Variants in STS observed in about 807,000 individuals in gnomAD.
STS encodes steryl-sulfatase.
STS carries 7 observed loss-of-function variants against 26.8 expected under a neutral mutation model. That is an observed-to-expected ratio of 0.26 (90% CI 0.15 to 0.49). The LOEUF is 0.49. Among genes scored for constraint, STS ranks in the 20% least tolerant of loss-of-function variants. STS has a pLI of 0.98. For synonymous variants in STS, 199 were observed against 189.4 expected (o/e 1.05, Z -0.42); for missense variants, 434 against 465.6 (o/e 0.93, Z 0.63).
intron 2 of STS, among the ~76,000 whole-genome samples, chrX:7,208,086 C>T: frequency 8.9e-6 from 1 of 112,380 alleles, no homozygotes; most frequent in East Asian, 2.8e-4. Context: ...ACATTTGCTT[C>T]ACATACGGTG....
chrX:7,286,758 T>C (rs953866759), intron 7 of STS, among the ~76,000 whole-genome samples: 2 of 111,908 alleles, frequency 1.8e-5, no homozygotes, highest in Admixed American at 9.5e-5. Context: ...CATGCTTGAC[T>C]GTAAAGATAT....
intron 2 of STS, among the ~76,000 whole-genome samples, chrX:7,205,451 G>C (rs1292127909): frequency 3.6e-5 from 4 of 111,544 alleles, no homozygotes; most frequent in Non-Finnish European, 5.7e-5. Flanking sequence ...CAGCTTGCTT[G>C]GGAGCAGAGA....
At chrX:7,207,152 T>A (rs192015379) in intron 2 of STS, among the ~76,000 whole-genome samples, 1 of 111,942 alleles carries the variant, frequency 8.9e-6, no homozygotes, top group Non-Finnish European at 1.9e-5. Flanking sequence ...ATTGTACCAC[T>A]GCACTTCAGC....
At chrX:7,218,812 T>C (rs986722301) in intron 2 of STS, among the ~76,000 whole-genome samples, 2 of 112,236 alleles carry the variant, frequency 1.8e-5, no homozygotes, top group Non-Finnish European at 3.8e-5. Context: ...TAGCAACCTC[T>C]TTTTTTGTTT....
chrX:7,298,241 C>A (rs977003444), intron 7 of STS, among the ~76,000 whole-genome samples: 19 of 111,749 alleles, frequency 1.7e-4, no homozygotes, highest in Admixed American at 9.6e-5. Flanking sequence ...TGCAGATTAT[C>A]AACTTTATGC....
chrX:7,275,450 A>G (rs1275668451), intron 6 of STS, among the ~76,000 whole-genome samples: 1 of 111,681 alleles, frequency 9.0e-6, no homozygotes, highest in Admixed American at 9.5e-5. Flanking sequence ...ACCTATATAT[A>G]CAAAATTTGT....
intron 10 of STS, among the ~76,000 whole-genome samples, chrX:7,344,752 G>A (rs916728886): frequency 4.5e-5 from 5 of 111,757 alleles, no homozygotes; most frequent in African/African-American, 6.5e-5. Flanking sequence ...TGCTTTAGCC[G>A]CTGTGGGTTA....
chrX:7,317,687 C>G (rs1233464917), intron 8 of STS, among the ~76,000 whole-genome samples: 1 of 111,065 alleles, frequency 9.0e-6, no homozygotes, highest in Non-Finnish European at 1.9e-5. Context: ...CCAGCCTGGT[C>G]TCAAACCCCG....
intron 8 of STS, among the ~76,000 whole-genome samples, chrX:7,317,453 T>C (rs1291903108): frequency 9.1e-6 from 1 of 109,558 alleles, no homozygotes. Flanking sequence ...GCATATCTTT[T>C]GGTTTGTTTG....
At chrX:7,333,220 A>AT (rs1176998491) in intron 9 of STS, among the ~76,000 whole-genome samples, 1 of 112,418 alleles carries the variant, frequency 8.9e-6, no homozygotes, top group Non-Finnish European at 1.9e-5. Context: ...CAATGGCCTA[A>AT]TGGTATCATG....
intron 1 of STS, among the ~76,000 whole-genome samples, chrX:7,179,078 C>G (rs1933631018): frequency 9.2e-6 from 1 of 108,609 alleles, no homozygotes; most frequent in Non-Finnish European, 1.9e-5. Flanking sequence ...CTGGCTTTCT[C>G]TAGTCCTTCT....
intron 1 of STS, among the ~76,000 whole-genome samples, chrX:7,157,337 C>T (rs1230751991): frequency 9.0e-6 from 1 of 111,270 alleles, no homozygotes; most frequent in African/African-American, 3.3e-5. Context: ...TGTGGGACTC[C>T]AGGATTTCCC....
intron 9 of STS, among the ~76,000 whole-genome samples, chrX:7,330,160 G>C (rs1367068934): frequency 9.0e-6 from 1 of 111,629 alleles, no homozygotes; most frequent in Non-Finnish European, 1.9e-5. Context: ...GAAATAAATG[G>C]AGGACAACCT....
At chrX:7,158,439 G>T (rs940028356) in intron 1 of STS, among the ~76,000 whole-genome samples, 1 of 112,268 alleles carries the variant, frequency 8.9e-6, no homozygotes, top group Non-Finnish European at 1.9e-5. Context: ...CATCTCAGGA[G>T]TTGCAAATGG....
chrX:7,258,565 G>C (rs1269187431), intron 5 of STS, among the ~76,000 whole-genome samples: 11 of 111,494 alleles, frequency 9.9e-5, no homozygotes, highest in African/African-American at 3.6e-4. Context: ...CTTCCTTTTT[G>C]CATGAAGAGC....
chrX:7,206,020 C>G (rs1311724401), intron 2 of STS, among the ~76,000 whole-genome samples: 1 of 111,484 alleles, frequency 9.0e-6, no homozygotes, highest in African/African-American at 3.3e-5. Flanking sequence ...CATCCACCCA[C>G]TGCACCCCCT....
At chrX:7,314,521 A>T (rs1177256167) in intron 8 of STS, among the ~76,000 whole-genome samples, 1 of 112,698 alleles carries the variant, frequency 8.9e-6, no homozygotes, top group Non-Finnish European at 1.9e-5. Flanking sequence ...ATTTGGAATG[A>T]TTGGGACTGT....
At chrX:7,275,930 T>G (rs778605148) in intron 6 of STS, 21 bp from the exon 7 acceptor site, 1 of 124,408 alleles carries the variant, frequency 8.0e-6, no homozygotes, top group African/African-American at 4.0e-5. Flanking sequence ...TTTTCCTCCC[T>G]TTTTTTTTTT....
At chrX:7,176,630 G>A (rs1463910773) in intron 1 of STS, among the ~76,000 whole-genome samples, 2 of 93,448 alleles carry the variant, frequency 2.1e-5, no homozygotes, top group Admixed American at 1.1e-4. Flanking sequence ...TACAATCATG[G>A]CAGAAGGGGA....
Sources: allele counts gnomAD v4.1 joint callset (sites outside exome capture counted in the v4.1 genomes callset), GRCh38; gene constraint gnomAD v4.1.1; transcripts MANE v1.5; gene names NCBI Gene and HGNC (gene_info 2026-07-23, HGNC 2026-07-21).